The following ST3GAL3 variants were observed in gnomAD, a reference collection of about 807,000 sequenced individuals.
The protein encoded by ST3GAL3 is ST3 beta-galactoside alpha-2,3-sialyltransferase 3.
Under a neutral mutation model 50.1 loss-of-function variants are expected in ST3GAL3, and 21 were observed. That is an observed-to-expected ratio of 0.42 (90% CI 0.30 to 0.60). ST3GAL3 has a LOEUF of 0.60. Ranked by LOEUF, ST3GAL3 falls within the 20% of genes least tolerant of loss-of-function variation. ST3GAL3 has a pLI of 0.19. For missense variants in ST3GAL3, 353 were observed against 489.4 expected, an observed-to-expected ratio of 0.72 and a Z score of 2.63; for synonymous variants, 183 against 190.0, an observed-to-expected ratio of 0.96 and a Z score of 0.30.
intron 2 of ST3GAL3, among the ~76,000 whole-genome samples, chr1:43,775,100 A>G (rs1405044659): frequency 2.0e-5 from 3 of 152,182 alleles, no homozygotes; most frequent in African/African-American, 7.2e-5. Context: ...TGTAAGAGCG[A>G]GAACCAGCTA....
chr1:43,741,411 A>G (rs1558092084), intron 2 of ST3GAL3, among the ~76,000 whole-genome samples: 1 of 152,220 alleles, frequency 6.6e-6, no homozygotes, highest in African/African-American at 2.4e-5. Context: ...TCTTCCTCAT[A>G]TTTATAAAAG....
chr1:43,734,065 C>T (rs181001254), intron 1 of ST3GAL3, among the ~76,000 whole-genome samples: 9 of 151,798 alleles, frequency 5.9e-5, no homozygotes, highest in Non-Finnish European at 1.2e-4. Context: ...GAACCGAGAT[C>T]GTGCCATTGC....
intron 2 of ST3GAL3, among the ~76,000 whole-genome samples, chr1:43,779,536 T>G (rs1460159654): frequency 6.6e-6 from 1 of 152,252 alleles, no homozygotes; most frequent in African/African-American, 2.4e-5. Context: ...TTTTAACCTC[T>G]GAATCTCTAA....
At chr1:43,918,334 T>A (rs2082432280) in intron 9 of ST3GAL3, among the ~76,000 whole-genome samples, 1 of 151,784 alleles carries the variant, frequency 6.6e-6, no homozygotes, top group Non-Finnish European at 1.5e-5. Context: ...CCCAAGCTGT[T>A]CTTGAACTCC....
At chr1:43,918,093 A>G (rs1216104544) in intron 9 of ST3GAL3, among the ~76,000 whole-genome samples, 1 of 149,638 alleles carries the variant, frequency 6.7e-6, no homozygotes, top group Non-Finnish European at 1.5e-5. Context: ...AAGTGATAAA[A>G]TAGACATCTA....
At chr1:43,707,878 T>G (rs1043784459) in intron 1 of ST3GAL3, 185 bp downstream of exon 1, 1 of 152,282 alleles carries the variant, frequency 6.6e-6, no homozygotes, top group Non-Finnish European at 1.5e-5. Context: ...GGGGGCCCAG[T>G]ACCTGGATGA....
rs56352589 is a variant in ST3GAL3 at position 43,873,575 on chromosome 1, A to C, written c.303-20808A>C. ...TAAGGTGGGCAGATCACCTGAGGCCAGGGGTTTGAGACCATCCTGGCTAAC... is the reference window on the plus strand; with the variant it reads ...TAAGGTGGGCAGATCACCTGAGGCCCGGGGTTTGAGACCATCCTGGCTAAC... On this transcript the variant is annotated intron_variant, in intron 5 of 11. Coordinates refer to ENST00000347631, the MANE Select transcript of ST3GAL3 (RefSeq NM_006279.5). Among the ~76,000 whole-genome samples, 1,392 of 152,176 alleles carry C rather than the reference A, an allele frequency of 9.1e-3. 20 individuals are homozygous for C. The highest frequency in any genetic ancestry group is 0.032 in the African/African-American group (1,341 of 41,510).
At chr1:43,912,728 G>A (rs2154288103) in intron 9 of ST3GAL3, 1 of 152,342 alleles carries the variant, frequency 6.6e-6, no homozygotes, top group East Asian at 1.9e-4. Flanking sequence ...GAGCCTGGTG[G>A]GGAAAGTGCT....
rs141353551 is a variant in ST3GAL3 at position 43,861,003 on chromosome 1, T to C, written c.302+22692T>C. 1.1e-3 allele frequency among the ~76,000 whole-genome samples: 168 copies of C among 152,302 alleles called. 3 individuals carry two copies. The Middle Eastern group carries it at 0.034, about 31-fold the overall frequency. ...TCTTTACCACCTGGCCTCACCGCTG[T>C]TTCACCGATCCCTGTGGCTTGACCT... On this transcript the variant is annotated intron_variant, in intron 5 of 11. Coordinates refer to ENST00000347631, the MANE Select transcript of ST3GAL3 (RefSeq NM_006279.5).
At chr1:43,879,600 CAAG>C in intron 5 of ST3GAL3, 2 of 360,960 alleles carry the variant, frequency 5.5e-6, no homozygotes, top group Non-Finnish European at 1.1e-5. Context: ...AGAGATGAGT[CAAG>C]AATGACTCCA....
At chr1:43,767,223 G>GT (rs1417162784) in intron 2 of ST3GAL3, among the ~76,000 whole-genome samples, 1 of 152,154 alleles carries the variant, frequency 6.6e-6, no homozygotes, top group East Asian at 1.9e-4. Context: ...TCTGAGCTGA[G>GT]TAGGGAGGGC....
At chr1:43,709,884 CA>C (rs1663737502) in intron 1 of ST3GAL3, among the ~76,000 whole-genome samples, 1 of 152,128 alleles carries the variant, frequency 6.6e-6, no homozygotes, top group African/African-American at 2.4e-5. Context: ...CTCAGCCTCC[CA>C]AAGTGTTGAG....
intron 2 of ST3GAL3, among the ~76,000 whole-genome samples, chr1:43,784,024 C>A (rs1053889173): frequency 1.3e-5 from 2 of 152,118 alleles, no homozygotes; most frequent in Admixed American, 1.3e-4. Flanking sequence ...CTGAAAGAAA[C>A]CCTACTAAAT....
intron 1 of ST3GAL3, among the ~76,000 whole-genome samples, chr1:43,721,945 CAGTT>C (rs1220894478): frequency 6.6e-6 from 1 of 151,886 alleles, no homozygotes; most frequent in Non-Finnish European, 1.5e-5. Context: ...ATTGAATAAT[CAGTT>C]AGTCAACAGA....
intron 1 of ST3GAL3, among the ~76,000 whole-genome samples, chr1:43,725,699 T>C (rs572461767): frequency 1.3e-5 from 2 of 152,228 alleles, no homozygotes; most frequent in South Asian, 4.1e-4. Flanking sequence ...CAGGCTGGAG[T>C]GTACTGGCAT....
intron 5 of ST3GAL3, among the ~76,000 whole-genome samples, chr1:43,865,012 T>C (rs1235546388): frequency 1.5e-5 from 2 of 134,418 alleles, no homozygotes; most frequent in Non-Finnish European, 3.3e-5. Flanking sequence ...AGAGTATCTA[T>C]GTACAACATT....
At chr1:43,710,770 G>T (rs920245361) in intron 1 of ST3GAL3, among the ~76,000 whole-genome samples, 2 of 152,140 alleles carry the variant, frequency 1.3e-5, no homozygotes, top group African/African-American at 4.8e-5. Flanking sequence ...ATTTGATACG[G>T]AACTTCCTTT....
At chr1:43,920,656 C>G (rs767810922) in intron 10 of ST3GAL3, 106 bp downstream of exon 10, 175 of 1,604,666 alleles carry the variant, frequency 1.1e-4, no homozygotes, top group Non-Finnish European at 1.5e-4. Flanking sequence ...AAATAGCTTT[C>G]TGGGGAAGAG....
chr1:43,727,750 C>T (rs1279669883), intron 1 of ST3GAL3, among the ~76,000 whole-genome samples: 4 of 152,214 alleles, frequency 2.6e-5, no homozygotes, highest in African/African-American at 9.7e-5. Context: ...CTTCCCCAAA[C>T]TTCACATTGT....
Sources: allele counts gnomAD v4.1 joint callset (sites outside exome capture counted in the v4.1 genomes callset), GRCh38; gene constraint gnomAD v4.1.1; transcripts MANE v1.5; gene names NCBI Gene and HGNC (gene_info 2026-07-23, HGNC 2026-07-21).